The following AFF3 variants were observed in gnomAD, a reference collection of about 807,000 sequenced individuals.
AFF3 encodes ALF transcription elongation factor 3.
Under a neutral mutation model 129.7 loss-of-function variants are expected in AFF3, and 32 were observed. That is an observed-to-expected ratio of 0.25 (90% confidence interval 0.19 to 0.33). The LOEUF (loss-of-function observed/expected upper bound fraction) is 0.33, where lower values mean the gene tolerates loss of function less well. AFF3 is among the 10% of genes least tolerant of loss of function. The pLI, the probability that AFF3 is intolerant of heterozygous loss-of-function variation, is 1.00. For missense variants in AFF3, 1,373 were observed against 1,592.0 expected, an observed-to-expected ratio of 0.86 and a Z score of 2.34; for synonymous variants, 644 against 635.4, an observed-to-expected ratio of 1.01 and a Z score of -0.20.
At chr2:99,827,237 G>A (rs1417905626) in intron 8 of AFF3, among the ~76,000 whole-genome samples, 2 of 152,142 alleles carry the variant, frequency 1.3e-5, no homozygotes, top group African/African-American at 2.4e-5. Flanking sequence ...CACCATGGAA[G>A]TACAGCATCT....
At chr2:100,007,102 G>A in intron 6 of AFF3, 46 bp downstream of exon 6, 1 of 1,600,794 alleles carries the variant, frequency 6.2e-7, no homozygotes, top group Non-Finnish European at 8.5e-7. Flanking sequence ...AGTTCTCTGG[G>A]TTTTAGCAGA....
intron 7 of AFF3, among the ~76,000 whole-genome samples, chr2:99,966,433 G>C (rs976906724): frequency 3.9e-5 from 6 of 152,016 alleles, no homozygotes; most frequent in Non-Finnish European, 5.9e-5. Flanking sequence ...GCTCACGCCT[G>C]TAATCCCAAC....
intron 8 of AFF3, among the ~76,000 whole-genome samples, chr2:99,768,834 GC>G (rs764954659): frequency 3.9e-5 from 6 of 152,310 alleles, no homozygotes; most frequent in Admixed American, 2.0e-4. Context: ...CTCCTGGCCT[GC>G]AAGGTTTCCG....
chr2:99,923,331 G>T (rs1481010089), intron 7 of AFF3, among the ~76,000 whole-genome samples: 1 of 152,252 alleles, frequency 6.6e-6, no homozygotes, highest in Non-Finnish European at 1.5e-5. Flanking sequence ...AATCACATTT[G>T]TGATGCTTAC....
rs1256490371 is a variant in AFF3 at position 99,738,124 on chromosome 2, G to A, written c.1039+5980C>T. 5.9e-5 allele frequency among the ~76,000 whole-genome samples: 9 copies of A among 152,074 alleles called. No homozygotes were observed. The East Asian group carries it at 9.6e-4, about 16-fold the overall frequency. On this transcript the variant is annotated intron_variant, in intron 10 of 24. Coordinates refer to ENST00000672756, the MANE Select transcript of AFF3 (RefSeq NM_001386135.1). ...TTCTGAATTAGGAGTCTGATTCTCC[G>A]CTGTCCTGTTTGTTCTTGCTCTTGC... is the stretch of plus-strand genomic sequence containing the variant.
chr2:100,076,285 G>A (rs1261848071), intron 4 of AFF3, among the ~76,000 whole-genome samples: 3 of 152,278 alleles, frequency 2.0e-5, no homozygotes, highest in Admixed American at 2.0e-4. Context: ...TCACCCTTGA[G>A]ATAGTAAGAG....
chr2:100,015,419 G>A (rs1682929907), intron 4 of AFF3, among the ~76,000 whole-genome samples: 1 of 152,252 alleles, frequency 6.6e-6, no homozygotes, highest in South Asian at 2.1e-4. Flanking sequence ...TGAGGGTGAG[G>A]AGGAAGAAGA....
intron 7 of AFF3, among the ~76,000 whole-genome samples, chr2:99,864,752 G>T (rs1251761634): frequency 6.6e-6 from 1 of 152,234 alleles, no homozygotes; most frequent in African/African-American, 2.4e-5. Context: ...CGGGGAAAGA[G>T]AACTGAAAGC....
intron 18 of AFF3, among the ~76,000 whole-genome samples, chr2:99,575,743 A>C (rs1489029398): frequency 6.6e-6 from 1 of 152,150 alleles, no homozygotes; most frequent in Non-Finnish European, 1.5e-5. Context: ...TTTTTATTCT[A>C]TTATATCTAT....
At chr2:99,991,239 T>G (rs1680309711) in intron 7 of AFF3, among the ~76,000 whole-genome samples, 1 of 152,186 alleles carries the variant, frequency 6.6e-6, no homozygotes, top group African/African-American at 2.4e-5. Flanking sequence ...TTTCCCTGGC[T>G]CTAGGGAGAC....
chr2:99,897,134 A>C (rs965807473), intron 7 of AFF3, among the ~76,000 whole-genome samples: 1 of 152,202 alleles, frequency 6.6e-6, no homozygotes, highest in Non-Finnish European at 1.5e-5. Flanking sequence ...AGTGAAATAG[A>C]TATTTACTAC....
chr2:99,561,391 G>A (rs146252967), intron 20 of AFF3, among the ~76,000 whole-genome samples: 7 of 152,258 alleles, frequency 4.6e-5, no homozygotes, highest in African/African-American at 1.4e-4. Context: ...TTTTTACAGC[G>A]GTTGCTCTGG....
intron 4 of AFF3, among the ~76,000 whole-genome samples, chr2:100,100,554 T>C (rs1008073416): frequency 4.6e-5 from 7 of 152,196 alleles, no homozygotes; most frequent in Admixed American, 4.6e-4. Flanking sequence ...TCCACCCAAG[T>C]CCCAAATATG....
intron 11 of AFF3, among the ~76,000 whole-genome samples, chr2:99,692,085 C>T (rs577975023): frequency 1.1e-4 from 17 of 152,272 alleles, no homozygotes; most frequent in Non-Finnish European, 1.0e-4. Context: ...CAGCGGAGCC[C>T]GTGGGTGTGG....
intron 9 of AFF3, among the ~76,000 whole-genome samples, chr2:99,747,902 C>G (rs181630416): frequency 4.5e-4 from 69 of 152,238 alleles, no homozygotes; most frequent in African/African-American, 1.6e-3. Context: ...CTGTGCCACT[C>G]TGCGGGTACA....
At chr2:99,625,108 T>C (rs965869382) in intron 13 of AFF3, among the ~76,000 whole-genome samples, 8 of 152,348 alleles carry the variant, frequency 5.3e-5, no homozygotes, top group Middle Eastern at 3.4e-3. Flanking sequence ...AAGGGCGAGA[T>C]AGAATTTTGA....
intron 7 of AFF3, among the ~76,000 whole-genome samples, chr2:99,946,843 C>A (rs539292265): frequency 6.6e-6 from 1 of 152,160 alleles, no homozygotes; most frequent in Non-Finnish European, 1.5e-5. Flanking sequence ...CAATTATATA[C>A]AAATAACTAA....
rs2104420959 is a variant in AFF3 at position 99,547,000 on chromosome 2, A to G, written c.*4474T>C. ...TGCGTATGTGTATGTATCAGGAAAT[A>G]GCAAAGACAAATAGTAAACTATAGT... On this transcript the variant is annotated 3_prime_UTR_variant, in exon 25 of 25. Coordinates refer to ENST00000672756, the MANE Select transcript of AFF3 (RefSeq NM_001386135.1). The G allele has an allele frequency of 9.1e-6, 2 of 220,198 alleles. No individual in the cohort carries two copies. The highest frequency in any genetic ancestry group is 1.3e-4 in the East Asian group (2 of 14,986). 13.6% of individuals were successfully genotyped at this position (220,198 alleles called of 1,614,324 possible).
chr2:99,588,174 G>A (rs780922820), intron 15 of AFF3, among the ~76,000 whole-genome samples: 28 of 151,864 alleles, frequency 1.8e-4, no homozygotes, highest in Non-Finnish European at 3.5e-4. Flanking sequence ...CCATGATTGG[G>A]TTTAATTTTA....
Sources: gnomAD v4.1 joint callset for allele counts (sites outside exome capture counted in the v4.1 genomes callset) on GRCh38, gnomAD v4.1.1 for gene constraint, MANE v1.5 for transcripts, NCBI Gene and HGNC (gene_info 2026-07-23, HGNC 2026-07-21) for gene names.